MARK2: variants seen among roughly 807,000 people sequenced by gnomAD.
The protein encoded by MARK2 is microtubule affinity regulating kinase 2, also known as serine/threonine-protein kinase MARK2.
A neutral mutation model predicts 89.8 loss-of-function variants in MARK2; 16 were observed. That is an observed-to-expected ratio of 0.18 (90% confidence interval 0.12 to 0.27). The LOEUF (loss-of-function observed/expected upper bound fraction) is 0.27. Ranked by LOEUF, MARK2 falls within the 10% of genes least tolerant of loss-of-function variation. The pLI, the probability that MARK2 is intolerant of heterozygous loss-of-function variation, is 1.00. For synonymous variants in MARK2, 382 were observed against 399.5 expected (o/e 0.96, Z 0.52); for missense variants, 621 against 1,049.9 (o/e 0.59, Z 5.65).
At chr11:63,901,344 C>G (rs978008308) in intron 11 of MARK2, among the ~76,000 whole-genome samples, 1 of 151,680 alleles carries the variant, frequency 6.6e-6, no homozygotes, top group African/African-American at 2.4e-5. Flanking sequence ...TTAGATGTGT[C>G]TAGGTCATCG....
At chr11:63,895,057 C>A in intron 1 of MARK2, 102 bp from the exon 2 acceptor site, 1 of 921,802 alleles carries the variant, frequency 1.1e-6, no homozygotes. Context: ...TACCAGCCCC[C>A]TGGAATCTGC....
At chr11:63,895,477 T>C (rs2135326539) in intron 2 of MARK2, 103 bp from the exon 3 acceptor site, 2 of 1,441,636 alleles carry the variant, frequency 1.4e-6, no homozygotes, top group East Asian at 2.3e-5. Flanking sequence ...TGCAAAAAGC[T>C]GTGGGATGAA....
intron 1 of MARK2, among the ~76,000 whole-genome samples, chr11:63,853,900 T>G (rs892848419): frequency 6.6e-6 from 1 of 152,064 alleles, no homozygotes; most frequent in Non-Finnish European, 1.5e-5. Flanking sequence ...TGAAACAGAG[T>G]CTCACTCTGT....
At chr11:63,893,167 A>G (rs938073584) in intron 1 of MARK2, among the ~76,000 whole-genome samples, 2 of 147,424 alleles carry the variant, frequency 1.4e-5, no homozygotes, top group Admixed American at 1.4e-4. Context: ...ACCTGCCTCA[A>G]CCTCCCAAGA....
At chr11:63,878,132 CT>C (rs2135280943) in intron 1 of MARK2, among the ~76,000 whole-genome samples, 1 of 152,320 alleles carries the variant, frequency 6.6e-6, no homozygotes, top group South Asian at 2.1e-4. Flanking sequence ...GCATTTGCCC[CT>C]GTTATGTCAG....
chr11:63,887,099 A>G (rs1240809280), intron 1 of MARK2, among the ~76,000 whole-genome samples: 2 of 152,216 alleles, frequency 1.3e-5, no homozygotes, highest in African/African-American at 2.4e-5. Flanking sequence ...TGAATCAAAC[A>G]TTGTCATTCC....
intron 1 of MARK2, among the ~76,000 whole-genome samples, chr11:63,843,186 A>G (rs1197198446): frequency 1.3e-5 from 2 of 152,104 alleles, no homozygotes; most frequent in Non-Finnish European, 2.9e-5. Flanking sequence ...TTCTTTTCCA[A>G]ATGACTCTGC....
At chr11:63,887,370 A>G (rs571998055) in intron 1 of MARK2, among the ~76,000 whole-genome samples, 3 of 152,348 alleles carry the variant, frequency 2.0e-5, no homozygotes, top group Admixed American at 6.5e-5. Context: ...CAATTTCTCA[A>G]TGGAAAACAG....
chr11:63,898,889 C>T (rs371916703), intron 6 of MARK2, 56 bp downstream of exon 6: 145 of 1,505,972 alleles, frequency 9.6e-5, no homozygotes, highest in Non-Finnish European at 1.3e-4. Context: ...TGGGGTTTGA[C>T]ATGTAAGGAT....
In MARK2 at chr11:63,903,074, C is replaced by T; in HGVS notation, c.1430C>T (p.Ser477Phe). Reference protein sequence around the residue: ...TPTPSTNSVLSTSTNRSRNSP... With the variant: ...TPTPSTNSVLFTSTNRSRNSP... ...TATTCCCCACAGAACAGCGTCCTCTCCACCAGCACAAATCGAAGCAGGAAT... is the reference window on the plus strand; with the variant it reads ...TATTCCCCACAGAACAGCGTCCTCTTCACCAGCACAAATCGAAGCAGGAAT... Residue 477 changes from serine to phenylalanine, a missense_variant, in exon 14 of 19, where the codon TCC becomes TTC. By Grantham distance (155) the Ser-to-Phe change is radical. Coordinates refer to ENST00000402010, the MANE Select transcript of MARK2 (RefSeq NM_001039469.3). This position sits in a 1 kb window ranked among gnomAD's most constrained non-coding sequence, Gnocchi z 5.1. 1 of 1,614,078 alleles carries T rather than the reference C, an allele frequency of 6.2e-7. No homozygotes were observed. The highest frequency in any genetic ancestry group is 1.1e-5 in the South Asian group (1 of 91,076).
chr11:63,842,947 G>A (rs1421487432), intron 1 of MARK2, among the ~76,000 whole-genome samples: 1 of 151,662 alleles, frequency 6.6e-6, no homozygotes, highest in Admixed American at 6.6e-5. Context: ...AATAAACCTT[G>A]CGTTACAGGG....
chr11:63,873,749 G>A (rs1187750410), intron 1 of MARK2, among the ~76,000 whole-genome samples: 1 of 152,168 alleles, frequency 6.6e-6, no homozygotes, highest in Non-Finnish European at 1.5e-5. Flanking sequence ...AGATTAAAGC[G>A]ATTCTTCTGC....
At chr11:63,876,901 G>A (rs534993772) in intron 1 of MARK2, among the ~76,000 whole-genome samples, 18 of 152,154 alleles carry the variant, frequency 1.2e-4, no homozygotes, top group African/African-American at 4.3e-4. Context: ...TGAGGGCTTC[G>A]ACCAGTGCAC....
At chr11:63,885,569 C>T (rs1302175414) in intron 1 of MARK2, among the ~76,000 whole-genome samples, 3 of 148,034 alleles carry the variant, frequency 2.0e-5, no homozygotes, top group Non-Finnish European at 4.5e-5. Context: ...GCGTAGTGGC[C>T]CATGTCTGTA....
chr11:63,881,644 CACAA>C (rs1437331408), intron 1 of MARK2, among the ~76,000 whole-genome samples: 1 of 151,632 alleles, frequency 6.6e-6, no homozygotes, highest in Non-Finnish European at 1.5e-5. Context: ...GGTATGGGGA[CACAA>C]ACAAGAAATC....
At chr11:63,848,267 G>T (rs1438097471) in intron 1 of MARK2, among the ~76,000 whole-genome samples, 1 of 152,204 alleles carries the variant, frequency 6.6e-6, no homozygotes, top group East Asian at 1.9e-4. Context: ...GGGGCTGGTT[G>T]CCCCTGTTGA....
chr11:63,867,591 C>T (rs140133304), intron 1 of MARK2, among the ~76,000 whole-genome samples: 1 of 152,212 alleles, frequency 6.6e-6, no homozygotes, highest in African/African-American at 2.4e-5. Flanking sequence ...TTATTTTCAA[C>T]TTGGGTTTTT....
chr11:63,875,763 G>T (rs1166315523), intron 1 of MARK2, among the ~76,000 whole-genome samples: 1 of 152,338 alleles, frequency 6.6e-6, no homozygotes, highest in East Asian at 1.9e-4. Context: ...AAGGACAGTG[G>T]CGATGGGGGC....
At chr11:63,875,301 A>G (rs532007976) in intron 1 of MARK2, among the ~76,000 whole-genome samples, 7 of 151,952 alleles carry the variant, frequency 4.6e-5, no homozygotes, top group Admixed American at 1.3e-4. Flanking sequence ...TTATATTTTT[A>G]GTAGAGATGG....
Sources: allele counts gnomAD v4.1 joint callset (sites outside exome capture counted in the v4.1 genomes callset), GRCh38; gene constraint gnomAD v4.1.1; non-coding constraint Gnocchi (gnomAD v3.1); transcripts MANE v1.5; gene names NCBI Gene and HGNC (gene_info 2026-07-23, HGNC 2026-07-21).